Variants in CSMD1 observed in about 807,000 individuals in gnomAD.
CSMD1 encodes CUB and Sushi multiple domains 1, also known as CUB and sushi domain-containing protein 1.
CSMD1 carries 213 observed loss-of-function variants against 417.5 expected under a neutral mutation model. The observed-to-expected ratio is 0.51, with a 90% CI of 0.46 to 0.57. The LOEUF (loss-of-function observed/expected upper bound fraction) is 0.57. Among genes scored for constraint, CSMD1 ranks in the 20% least tolerant of loss-of-function variants. CSMD1 has a pLI of 0.00. For missense variants in CSMD1, 6,923 were observed against 4,529.7 expected (o/e 1.53, Z -15.17); for synonymous variants, 2,862 against 1,736.8 (o/e 1.65, Z -16.11).
chr8:4,581,835 A>G (rs1438574449), intron 2 of CSMD1, among the ~76,000 whole-genome samples: 1 of 152,196 alleles, frequency 6.6e-6, no homozygotes, highest in East Asian at 1.9e-4. Context: ...GAGGGCACAA[A>G]GCACTGACCC....
chr8:3,460,557 C>T (rs935486961), intron 12 of CSMD1, among the ~76,000 whole-genome samples: 2 of 151,984 alleles, frequency 1.3e-5, no homozygotes, highest in Non-Finnish European at 2.9e-5. Context: ...TCGACCACTA[C>T]AGAGGCCGCC....
intron 1 of CSMD1, among the ~76,000 whole-genome samples, chr8:4,779,594 G>A (rs879336681): frequency 3.9e-5 from 6 of 152,178 alleles, no homozygotes; most frequent in Non-Finnish European, 8.8e-5. Flanking sequence ...AAGGAACACA[G>A]GAAGCATTAG....
At chr8:2,946,255 A>G (rs1337560393) in intron 68 of CSMD1, among the ~76,000 whole-genome samples, 2 of 152,174 alleles carry the variant, frequency 1.3e-5, no homozygotes, top group South Asian at 2.1e-4. Context: ...TATATAATTC[A>G]TCCACTTAAG....
chr8:4,652,959 T>C (rs1185534801), intron 1 of CSMD1, among the ~76,000 whole-genome samples: 1 of 151,456 alleles, frequency 6.6e-6, no homozygotes, highest in African/African-American at 2.4e-5. Flanking sequence ...TGGCTGGAAA[T>C]ACAAGCAAAG....
chr8:3,772,348 C>CATATGTACATATATTT (rs1798629971), intron 5 of CSMD1, among the ~76,000 whole-genome samples: 1 of 139,544 alleles, frequency 7.2e-6, no homozygotes, highest in African/African-American at 2.8e-5. Context: ...TACATATATA[C>CATATGTACATATATTT]ATATATTTAT....
At position 4,442,636 on chromosome 8, in the gene CSMD1, G is replaced by A. The variant is rs115791946; in HGVS notation, c.303-22571C>T. Among the ~76,000 whole-genome samples, 728 of 152,194 alleles carry A rather than the reference G, an allele frequency of 4.8e-3. 3 individuals are homozygous for A. Among genetic ancestry groups the A allele is most frequent in the African/African-American group, 0.017 (709 of 41,522 alleles). On this transcript the variant is annotated intron_variant, in intron 2 of 69. Coordinates refer to ENST00000635120, the MANE Select transcript of CSMD1 (RefSeq NM_033225.6). Reference sequence around the variant, plus strand: ...AGAAGCAAGCCCTCTGGATTGCTGGGGATTCCAGAGTACTTTTAAAACTTC... The same window carrying A: ...AGAAGCAAGCCCTCTGGATTGCTGGAGATTCCAGAGTACTTTTAAAACTTC...
chr8:3,545,504 A>G (rs1440422875), intron 10 of CSMD1, among the ~76,000 whole-genome samples: 1 of 152,226 alleles, frequency 6.6e-6, no homozygotes, highest in Non-Finnish European at 1.5e-5. Flanking sequence ...GAGGTGAGTG[A>G]TAAAGAATCA....
intron 5 of CSMD1, among the ~76,000 whole-genome samples, chr8:3,757,852 A>AAAACAAACAAAC (rs111774270): frequency 6.6e-5 from 10 of 150,496 alleles, no homozygotes; most frequent in Admixed American, 6.6e-4. Context: ...TTCATCTCAA[A>AAAACAAACAAAC]AAACAAACAA....
At chr8:3,748,169 T>C (rs1797149924) in intron 6 of CSMD1, among the ~76,000 whole-genome samples, 1 of 152,208 alleles carries the variant, frequency 6.6e-6, no homozygotes, top group African/African-American at 2.4e-5. Flanking sequence ...CAAGAATCTT[T>C]TGTTCTGAGA....
intron 1 of CSMD1, among the ~76,000 whole-genome samples, chr8:4,723,781 C>T (rs1330949864): frequency 2.0e-4 from 17 of 83,268 alleles, no homozygotes; most frequent in African/African-American, 8.0e-4. Flanking sequence ...AATATGCTTT[C>T]GAATGTAAAA....
chr8:4,147,836 G>T (rs937440726), intron 3 of CSMD1, among the ~76,000 whole-genome samples: 1 of 152,098 alleles, frequency 6.6e-6, no homozygotes, highest in Non-Finnish European at 1.5e-5. Flanking sequence ...TCATCAGAAA[G>T]ACTTCTCTGG....
At chr8:4,772,480 G>A (rs1193202792) in intron 1 of CSMD1, among the ~76,000 whole-genome samples, 1 of 152,070 alleles carries the variant, frequency 6.6e-6, no homozygotes, top group Non-Finnish European at 1.5e-5. Flanking sequence ...CGGTCATGGA[G>A]CAAAACATAA....
rs527505333 is a variant in CSMD1, at chr8:4,345,459, T to C, written c.415+74494A>G. Among the ~76,000 whole-genome samples, 9 of 151,914 alleles carry C rather than the reference T, an allele frequency of 5.9e-5. No individual in the cohort carries two copies. In the East Asian group the frequency reaches 1.7e-3, roughly 29 times the overall value. On this transcript the variant is annotated intron_variant, in intron 3 of 69. Transcript: ENST00000635120. ...ATAAAGAAGAGAAAAAATAGATAAC[T>C]GGAATTACATCAAACTACAAAGCTT...
intron 35 of CSMD1, 114 bp from the exon 36 acceptor site, chr8:3,188,079 T>TACATATATAC (rs1290614263): frequency 3.0e-6 from 1 of 336,738 alleles, no homozygotes; most frequent in African/African-American, 2.5e-5. Context: ...TATATATACA[T>TACATATATAC]ATGTATATGT....
At chr8:3,585,561 C>T (rs2116995847) in intron 9 of CSMD1, among the ~76,000 whole-genome samples, 1 of 152,154 alleles carries the variant, frequency 6.6e-6, no homozygotes, top group African/African-American at 2.4e-5. Flanking sequence ...TACTTCATAG[C>T]AGTAAAAAAT....
At chr8:4,950,242 T>G (rs1329097218) in intron 1 of CSMD1, among the ~76,000 whole-genome samples, 3 of 152,126 alleles carry the variant, frequency 2.0e-5, no homozygotes, top group Non-Finnish European at 2.9e-5. Context: ...AAATACAAAA[T>G]TAGTCATTTA....
chr8:3,152,545 C>T (rs1819263248), intron 39 of CSMD1, among the ~76,000 whole-genome samples: 1 of 152,094 alleles, frequency 6.6e-6, no homozygotes, highest in Non-Finnish European at 1.5e-5. Flanking sequence ...ACTGAAACAA[C>T]TTATTTGTAA....
intron 3 of CSMD1, among the ~76,000 whole-genome samples, chr8:4,045,297 T>A (rs1452009471): frequency 6.6e-6 from 1 of 152,234 alleles, no homozygotes; most frequent in African/African-American, 2.4e-5. Context: ...ACAGGAATTC[T>A]GTCCTTATAG....
chr8:3,229,888 A>C (rs1798731995), intron 27 of CSMD1, among the ~76,000 whole-genome samples, 152 bp downstream of exon 27: 1 of 152,228 alleles, frequency 6.6e-6, no homozygotes, highest in African/African-American at 2.4e-5. Context: ...TTAAAGGTTT[A>C]CAATAAAATT....
Sources: allele counts gnomAD v4.1 joint callset (sites outside exome capture counted in the v4.1 genomes callset), GRCh38; gene constraint gnomAD v4.1.1; transcripts MANE v1.5; gene names NCBI Gene and HGNC (gene_info 2026-07-23, HGNC 2026-07-21).